Variants in PPP6R3 observed in about 807,000 individuals in gnomAD.
The protein encoded by PPP6R3 is protein phosphatase 6 regulatory subunit 3.
In PPP6R3, 38 loss-of-function variants were observed where a neutral mutation model predicts 110.7. The observed-to-expected ratio is 0.34, with a 90% CI of 0.26 to 0.45. The LOEUF (loss-of-function observed/expected upper bound fraction) is 0.45. Among genes scored for constraint, PPP6R3 ranks in the 20% least tolerant of loss-of-function variants. The pLI, the probability that PPP6R3 is intolerant of heterozygous loss-of-function variation, is 1.00. For missense variants in PPP6R3, 870 were observed against 1,062.4 expected, an observed-to-expected ratio of 0.82 and a Z score of 2.52; for synonymous variants, 369 against 373.5, an observed-to-expected ratio of 0.99 and a Z score of 0.14.
chr11:68,596,579 G>A (rs1418822917), intron 19 of PPP6R3, among the ~76,000 whole-genome samples: 1 of 152,208 alleles, frequency 6.6e-6, no homozygotes, highest in Non-Finnish European at 1.5e-5. Context: ...TGGTTGTGTT[G>A]TGTGGCTTCG....
chr11:68,477,737 AAAAAATATATATATATATAT>A (rs1379940872), intron 1 of PPP6R3, among the ~76,000 whole-genome samples: 1 of 64,558 alleles, frequency 1.5e-5, no homozygotes, highest in African/African-American at 5.9e-5. Context: ...TTAAAAAAAA[AAAAAATATATATATATATAT>A]ATATATATAT....
At chr11:68,565,838 C>G (rs1565883774) in intron 9 of PPP6R3, among the ~76,000 whole-genome samples, 2 of 152,054 alleles carry the variant, frequency 1.3e-5, no homozygotes, top group African/African-American at 2.4e-5. Flanking sequence ...GTAAGTAGAT[C>G]CATGAAGTTT....
chr11:68,581,830 G>C (rs2099555795), intron 14 of PPP6R3, among the ~76,000 whole-genome samples: 1 of 152,200 alleles, frequency 6.6e-6, no homozygotes, highest in Admixed American at 6.5e-5. Flanking sequence ...TTCACAAACA[G>C]AATGGGAGTG....
chr11:68,598,885 CT>C (rs1403899657), intron 19 of PPP6R3, among the ~76,000 whole-genome samples: 1 of 152,148 alleles, frequency 6.6e-6, no homozygotes, highest in Non-Finnish European at 1.5e-5. Flanking sequence ...TTTATTCCTT[CT>C]TGGTGTCAGT....
intron 18 of PPP6R3, 100 bp downstream of exon 18, chr11:68,591,806 C>T (rs775217983): frequency 2.2e-6 from 3 of 1,358,930 alleles, no homozygotes; most frequent in Non-Finnish European, 9.7e-7. Context: ...ACATGTTAAC[C>T]CAGAAACCAG....
At chr11:68,611,240 C>T (rs965997600) in intron 23 of PPP6R3, among the ~76,000 whole-genome samples, 4 of 152,132 alleles carry the variant, frequency 2.6e-5, no homozygotes, top group Non-Finnish European at 5.9e-5. Context: ...TTTCAGCTCT[C>T]TGATTTCTAC....
chr11:68,612,215 A>G (rs889960931), intron 23 of PPP6R3, among the ~76,000 whole-genome samples: 1 of 152,200 alleles, frequency 6.6e-6, no homozygotes, highest in African/African-American at 2.4e-5. Flanking sequence ...TATGTCTCTC[A>G]TACACGGAGC....
intron 2 of PPP6R3, among the ~76,000 whole-genome samples, chr11:68,534,088 A>ATC (rs1033841198): frequency 3.5e-4 from 53 of 152,308 alleles, no homozygotes; most frequent in African/African-American, 1.3e-3. Flanking sequence ...TTCCTGGCAC[A>ATC]ATGGAGGAAA....
intron 1 of PPP6R3, among the ~76,000 whole-genome samples, chr11:68,506,951 C>T (rs574224226): frequency 6.6e-6 from 1 of 152,284 alleles, no homozygotes; most frequent in South Asian, 2.1e-4. Flanking sequence ...CTTTGCTGTG[C>T]GTCCCTGCCC....
At chr11:68,490,825 C>T (rs954506621) in intron 1 of PPP6R3, among the ~76,000 whole-genome samples, 1 of 152,112 alleles carries the variant, frequency 6.6e-6, no homozygotes, top group African/African-American at 2.4e-5. Flanking sequence ...CATCTCTCTG[C>T]TTATGTTATC....
intron 15 of PPP6R3, among the ~76,000 whole-genome samples, chr11:68,584,900 A>G (rs181788681): frequency 2.0e-5 from 3 of 152,290 alleles, no homozygotes; most frequent in African/African-American, 7.2e-5. Flanking sequence ...AAATAAATAC[A>G]CTCCAAAGCA....
chr11:68,569,688 T>G (rs1198084867), intron 10 of PPP6R3, 60 bp from the exon 11 acceptor site: 58 of 1,357,398 alleles, frequency 4.3e-5, no homozygotes, highest in Non-Finnish European at 5.8e-5. Flanking sequence ...TGTAAATGTA[T>G]TTAAGTATTG....
At chr11:68,505,127 T>C (rs896397932) in intron 1 of PPP6R3, 1 of 152,202 alleles carries the variant, frequency 6.6e-6, no homozygotes, top group Admixed American at 6.6e-5. Flanking sequence ...TCATTTAGTC[T>C]AAACCTCTCA....
intron 3 of PPP6R3, among the ~76,000 whole-genome samples, chr11:68,542,411 T>TTTTTTTTTTTTTTTA (rs1244450813): frequency 1.4e-5 from 2 of 141,966 alleles, no homozygotes; most frequent in South Asian, 2.4e-4. Flanking sequence ...TTTTTTTTTT[T>TTTTTTTTTTTTTTTA]AAGACAGAGT....
Position 68,566,237 on chromosome 11 carries a change from G to GGCTGCTGCTGCT in PPP6R3, c.976-763_976-752dup, listed in dbSNP as rs59680768. On this transcript the variant is annotated intron_variant, in intron 9 of 23. Coordinates refer to ENST00000393800, the MANE Select transcript of PPP6R3 (RefSeq NM_001164161.2). ...CAACTACTACCACCACCACCACCAC[G>GGCTGCTGCTGCT]GCTGCTGCTGCTGCTGCTGCTGCTG... Among the ~76,000 whole-genome samples the GGCTGCTGCTGCT allele has an allele frequency of 4.6e-3, 702 of 151,266 alleles. 5 individuals carry two copies. The highest frequency in any genetic ancestry group is 0.01 in the Middle Eastern group (3 of 294).
intron 1 of PPP6R3, among the ~76,000 whole-genome samples, chr11:68,480,951 A>G (rs530996296): frequency 1.3e-5 from 2 of 152,280 alleles, no homozygotes; most frequent in Non-Finnish European, 2.9e-5. Context: ...GATAATTACC[A>G]TTTTGAAATG....
intron 13 of PPP6R3, among the ~76,000 whole-genome samples, chr11:68,575,300 AC>A (rs2099526385): frequency 1.3e-5 from 2 of 152,238 alleles, no homozygotes; most frequent in African/African-American, 4.8e-5. Flanking sequence ...CTCTAAAATT[AC>A]GTCATGGTTT....
chr11:68,522,434 A>G (rs143091514), intron 2 of PPP6R3: 1 of 152,396 alleles, frequency 6.6e-6, no homozygotes, highest in East Asian at 1.9e-4. Context: ...CAGCAAAGGC[A>G]GATTTCTACA....
intron 1 of PPP6R3, among the ~76,000 whole-genome samples, chr11:68,512,194 T>TC (rs1482624962): frequency 6.6e-6 from 1 of 152,234 alleles, no homozygotes; most frequent in Non-Finnish European, 1.5e-5. Flanking sequence ...TAACAAAATA[T>TC]CATAGGCTGG....
Sources: gnomAD v4.1 joint callset for allele counts (sites outside exome capture counted in the v4.1 genomes callset) on GRCh38, gnomAD v4.1.1 for gene constraint, MANE v1.5 for transcripts, NCBI Gene and HGNC (gene_info 2026-07-23, HGNC 2026-07-21) for gene names.